Variants in RYR3 observed in about 807,000 individuals in gnomAD.
The protein encoded by RYR3 is brain ryanodine receptor-calcium release channel.
RYR3 carries 207 observed loss-of-function variants against 584.3 expected under a neutral mutation model. The ratio of observed to expected loss-of-function variants is 0.35; its 90% CI spans 0.32 to 0.40. The LOEUF is 0.40. RYR3 is among the 10% of genes least tolerant of loss of function. The pLI, the probability that RYR3 is intolerant of heterozygous loss-of-function variation, is 1.00. For missense variants in RYR3, 5,616 were observed against 6,089.2 expected (o/e 0.92, Z 2.59); for synonymous variants, 2,416 against 2,248.5 (o/e 1.07, Z -2.11).
chr15:33,825,151 G>A (rs933452904), intron 81 of RYR3, among the ~76,000 whole-genome samples: 2 of 152,190 alleles, frequency 1.3e-5, no homozygotes, highest in African/African-American at 4.8e-5. Context: ...CCTAAGCTCT[G>A]GAAACCACAA....
At chr15:33,665,135 T>C (rs2063424313) in intron 36 of RYR3, among the ~76,000 whole-genome samples, 1 of 152,198 alleles carries the variant, frequency 6.6e-6, no homozygotes, top group Non-Finnish European at 1.5e-5. Flanking sequence ...CCTATTTCAC[T>C]GGGCGTATTC....
chr15:33,527,938 G>T (rs1283266030), intron 3 of RYR3, among the ~76,000 whole-genome samples: 1 of 152,140 alleles, frequency 6.6e-6, no homozygotes, highest in Non-Finnish European at 1.5e-5. Flanking sequence ...GGGATACAGA[G>T]TATCTTTTGG....
chr15:33,595,761 C>T (rs1233156860), intron 16 of RYR3, among the ~76,000 whole-genome samples: 1 of 152,032 alleles, frequency 6.6e-6, no homozygotes, highest in Non-Finnish European at 1.5e-5. Context: ...CTCAATGTTA[C>T]AAGAACTTTA....
chr15:33,369,804 C>T (rs945973580), intron 1 of RYR3, among the ~76,000 whole-genome samples: 3 of 152,142 alleles, frequency 2.0e-5, no homozygotes, highest in African/African-American at 7.2e-5. Context: ...ATGTGTGTAC[C>T]TTTCCTATAG....
chr15:33,789,965 T>TGAGCCA (rs986021356), intron 67 of RYR3, among the ~76,000 whole-genome samples: 1 of 136,610 alleles, frequency 7.3e-6, no homozygotes, highest in Non-Finnish European at 1.6e-5. Context: ...ATTACAGGCG[T>TGAGCCA]GAGCCACCAC....
chr15:33,502,787 A>G (rs1469177078), intron 2 of RYR3, among the ~76,000 whole-genome samples: 1 of 152,228 alleles, frequency 6.6e-6, no homozygotes. Flanking sequence ...ACTCAGCCAA[A>G]TGTAACCCTT....
In RYR3 at chr15:33,794,297, A is replaced by T. The variant is rs1169793524; in HGVS notation, c.9830+5839A>T. ...TAGGTAAGGAAAGAAAAGATTTTTT[A>T]TATATATATTTTTATATATATATAT... On this transcript the variant is annotated intron_variant, in intron 67 of 103. Transcript: ENST00000634891. Among the ~76,000 whole-genome samples the T allele has an allele frequency of 1.9e-5, 2 of 104,408 alleles. 1 individual carries two copies. The highest frequency in any genetic ancestry group is 4.0e-5 in the Non-Finnish European group (2 of 49,664). 68.5% of individuals were successfully genotyped at this position (104,408 alleles called of 152,430 possible).
In RYR3 at chr15:33,537,437, C is replaced by T. The variant is rs551667660; in HGVS notation, c.434-1913C>T. On this transcript the variant is annotated intron_variant, in intron 5 of 103. Transcript: ENST00000634891. ...TGTGGTGGAACACATTATCTAGTAACTTTTACAGAAAAGATGCATGTGGAT... is the reference window on the plus strand; with the variant it reads ...TGTGGTGGAACACATTATCTAGTAATTTTTACAGAAAAGATGCATGTGGAT... Among the ~76,000 whole-genome samples the T allele has an allele frequency of 3.9e-4, 59 of 152,022 alleles. No homozygotes were observed. The South Asian group carries it at 0.012, about 30-fold the overall frequency.
At chr15:33,619,664 T>C (rs1448228951) in intron 19 of RYR3, among the ~76,000 whole-genome samples, 1 of 152,220 alleles carries the variant, frequency 6.6e-6, no homozygotes, top group African/African-American at 2.4e-5. Flanking sequence ...GAATATAAAA[T>C]CAAAATTTGT....
intron 1 of RYR3, among the ~76,000 whole-genome samples, chr15:33,450,242 T>C (rs971422921): frequency 2.0e-5 from 3 of 152,070 alleles, no homozygotes; most frequent in African/African-American, 4.8e-5. Context: ...TGAGATTTTG[T>C]GTTGTCCTTA....
At chr15:33,380,702 G>A (rs2041121459) in intron 1 of RYR3, among the ~76,000 whole-genome samples, 1 of 152,210 alleles carries the variant, frequency 6.6e-6, no homozygotes. Context: ...CTTTTCAGCT[G>A]GTGTGGGCTG....
chr15:33,614,683 ATATATTTACATGTTTATGTATAATAATTT>A (rs1234358791), intron 19 of RYR3, among the ~76,000 whole-genome samples: 3 of 152,058 alleles, frequency 2.0e-5, no homozygotes, highest in African/African-American at 7.2e-5. Context: ...AGTATATGTA[ATATATTTACATGTTTATGTATAATAATTT>A]TATATTAAGG....
At chr15:33,852,019 AC>A (rs1051524863) in intron 94 of RYR3, 4 of 150,574 alleles carry the variant, frequency 2.7e-5, no homozygotes, top group Non-Finnish European at 5.9e-5. Flanking sequence ...AAAAAAAAAA[AC>A]ATTTTTTTTT....
At chr15:33,560,894 G>A (rs976274989) in intron 10 of RYR3, among the ~76,000 whole-genome samples, 7 of 151,062 alleles carry the variant, frequency 4.6e-5, no homozygotes, top group African/African-American at 1.5e-4. Context: ...ATCCTTGGAT[G>A]TTATGTTGCT....
At position 33,750,014 on chromosome 15, in the gene RYR3, T is replaced by C. The variant is rs763365011; in HGVS notation, c.8235T>C (p.Asn2745=). Residue 2745 remains asparagine, a synonymous_variant, in exon 56 of 104, where the codon AAT becomes AAC. Coordinates refer to ENST00000634891, the MANE Select transcript of RYR3 (RefSeq NM_001036.6). ...MVEVVAENYH[N]IWAKKKKLEL... is the part of the protein sequence containing the mutation. ...AGGTCGTGGCTGAGAACTATCACAATATCTGGGCCAAGAAGAAGAAGCTGG... is the reference window on the plus strand; with the variant it reads ...AGGTCGTGGCTGAGAACTATCACAACATCTGGGCCAAGAAGAAGAAGCTGG... 9 of 1,612,492 alleles carry C rather than the reference T, an allele frequency of 5.6e-6. No individual in the cohort carries two copies. Among genetic ancestry groups the C allele is most frequent in the Non-Finnish European group, 8.5e-7 (1 of 1,179,476 alleles).
chr15:33,719,018 G>C (rs1197295471), intron 43 of RYR3, among the ~76,000 whole-genome samples: 1 of 152,210 alleles, frequency 6.6e-6, no homozygotes, highest in Non-Finnish European at 1.5e-5. Context: ...TTGGTTAGCA[G>C]TGAAGCTTGC....
At chr15:33,838,995 C>A in intron 89 of RYR3, 37 bp downstream of exon 89, 1 of 1,574,714 alleles carries the variant, frequency 6.4e-7, no homozygotes, top group South Asian at 1.2e-5. Context: ...TCCTTTATCC[C>A]CAGAATAAGA....
chr15:33,548,873 G>A (rs994626828), intron 9 of RYR3, among the ~76,000 whole-genome samples: 1 of 151,980 alleles, frequency 6.6e-6, no homozygotes, highest in African/African-American at 2.4e-5. Context: ...GAGAGAGGAG[G>A]GTTAAGCATC....
chr15:33,493,719 G>T (rs1472674372), intron 2 of RYR3, among the ~76,000 whole-genome samples: 2 of 152,166 alleles, frequency 1.3e-5, no homozygotes, highest in Non-Finnish European at 2.9e-5. Context: ...CCGTATTTCT[G>T]CATTAATCCT....
Sources: allele counts gnomAD v4.1 joint callset (sites outside exome capture counted in the v4.1 genomes callset), GRCh38; gene constraint gnomAD v4.1.1; transcripts MANE v1.5; gene names NCBI Gene and HGNC (gene_info 2026-07-23, HGNC 2026-07-21).